EXOC1: variants seen among roughly 807,000 people sequenced by gnomAD.
EXOC1 encodes SEC3-like 1.
In EXOC1, 67 loss-of-function variants were observed where a neutral mutation model predicts 107.7. The ratio of observed to expected loss-of-function variants is 0.62; its 90% CI spans 0.51 to 0.76. The LOEUF is 0.76. Among genes scored for constraint, EXOC1 ranks in the 30% least tolerant of loss-of-function variants. EXOC1 has a pLI of 0.00. For synonymous variants in EXOC1, 348 were observed against 353.5 expected, an observed-to-expected ratio of 0.98 and a Z score of 0.17; for missense variants, 833 against 1,055.7, an observed-to-expected ratio of 0.79 and a Z score of 2.92.
At position 55,889,011 on chromosome 4, in the gene EXOC1, G is replaced by T. The variant is rs1724211085; in HGVS notation, c.1375+79G>T. ...CTAGAAATTAGTTGTCTTGAAAAAA[G>T]GTAACACCAAAAATTTTGATTGCTC... On this transcript the variant is annotated intron_variant, in intron 11 of 18. Coordinates refer to ENST00000381295, the MANE Select transcript of EXOC1 (RefSeq NM_001024924.2). 2.7e-6 allele frequency: 4 copies of T among 1,485,036 alleles called. No homozygotes were observed. The South Asian group carries it at 3.5e-5, about 13-fold the overall frequency. The allele number at this position is 1,485,036 out of a possible 1,614,324, so 92.0% of individuals were successfully genotyped here. A position where few individuals can be genotyped will look rare whatever the true frequency, so the allele number is the denominator to read the frequency against.
intron 1 of EXOC1, 99 bp downstream of exon 1, chr4:55,854,052 T>C (rs2110295935): frequency 6.6e-6 from 1 of 152,456 alleles, no homozygotes; most frequent in African/African-American, 2.4e-5. Context: ...CCATTACGGT[T>C]CCGCCCATCG....
intron 12 of EXOC1, among the ~76,000 whole-genome samples, chr4:55,891,072 T>C (rs748742816): frequency 2.0e-4 from 30 of 152,210 alleles, no homozygotes; most frequent in Admixed American, 7.9e-4. Flanking sequence ...TCTTTCCAGA[T>C]GTGAAGTGAA....
intron 4 of EXOC1, chr4:55,866,897 G>A (rs1344199522): frequency 7.1e-6 from 7 of 984,878 alleles, no homozygotes; most frequent in African/African-American, 1.7e-5. Context: ...CAGAAGGTGC[G>A]TAACACCTTT....
At chr4:55,893,972 C>T (rs954014334) in intron 15 of EXOC1, among the ~76,000 whole-genome samples, 192 bp downstream of exon 15, 4 of 152,054 alleles carry the variant, frequency 2.6e-5, no homozygotes, top group African/African-American at 4.8e-5. Flanking sequence ...GTTTCCATTC[C>T]ACACTGTGAA....
At chr4:55,862,608 C>T (rs771561756) in intron 3 of EXOC1, among the ~76,000 whole-genome samples, 2 of 152,008 alleles carry the variant, frequency 1.3e-5, no homozygotes, top group African/African-American at 4.8e-5. Flanking sequence ...AAATTTTTGA[C>T]GCTTCAATTC....
intron 10 of EXOC1, among the ~76,000 whole-genome samples, chr4:55,886,575 C>CAAAAAAAAAAAAAAAAAAAAAAA (rs71832369): frequency 1.0e-5 from 1 of 96,232 alleles, no homozygotes. Flanking sequence ...AACAAAAAAA[C>CAAAAAAAAAAAAAAAAAAAAAAA]AAAAAAAAAA....
At chr4:55,857,389 C>T (rs138081445) in intron 1 of EXOC1, among the ~76,000 whole-genome samples, 2,105 of 151,776 alleles carry the variant, frequency 0.014, 62 homozygotes, top group African/African-American at 0.047. Flanking sequence ...ACCGTGGTCT[C>T]GATCTCCTGA....
chr4:55,892,291 G>A (rs1157582446), intron 13 of EXOC1, among the ~76,000 whole-genome samples: 1 of 151,920 alleles, frequency 6.6e-6, no homozygotes, highest in African/African-American at 2.4e-5. Context: ...TGAAAGTTGT[G>A]TTTGGACGTT....
intron 3 of EXOC1, among the ~76,000 whole-genome samples, chr4:55,863,674 C>T (rs867123492): frequency 1.3e-5 from 2 of 152,118 alleles, no homozygotes; most frequent in South Asian, 2.1e-4. Context: ...TTTAATCATT[C>T]CTTATTTTCA....
chr4:55,886,040 G>A (rs772856609), intron 10 of EXOC1, among the ~76,000 whole-genome samples: 2 of 152,036 alleles, frequency 1.3e-5, no homozygotes, highest in Non-Finnish European at 1.5e-5. Context: ...AGTACCCATA[G>A]CCATTCTGTT....
chr4:55,863,796 C>CTTA (rs1448944242), intron 3 of EXOC1, among the ~76,000 whole-genome samples: 1 of 151,986 alleles, frequency 6.6e-6, no homozygotes, highest in East Asian at 1.9e-4. Context: ...AGATATAGTC[C>CTTA]TTATTAGGGA....
At chr4:55,884,225 G>C (rs1407865812) in intron 10 of EXOC1, among the ~76,000 whole-genome samples, 1 of 152,150 alleles carries the variant, frequency 6.6e-6, no homozygotes, top group Non-Finnish European at 1.5e-5. Flanking sequence ...GTGCAGTCAA[G>C]TAGAGAAAGT....
At chr4:55,872,681 A>C (rs1235195666) in intron 8 of EXOC1, 3 of 555,214 alleles carry the variant, frequency 5.4e-6, no homozygotes, top group East Asian at 2.9e-4. Context: ...GCCTGAAAAC[A>C]ATGGATTTTT....
In EXOC1 at chr4:55,868,395, G is replaced by C. The variant is rs757139492; in HGVS notation, c.475G>C (p.Glu159Gln). ...VTGGDEEVVDEYQELNAREEQ... is the reference protein window; with the variant it reads ...VTGGDEEVVDQYQELNAREEQ... ...AGGAGGTGATGAAGAAGTAGTAGATGAATACCAAGAGTTAAATGCAAGAGA... is the reference window on the plus strand; with the variant it reads ...AGGAGGTGATGAAGAAGTAGTAGATCAATACCAAGAGTTAAATGCAAGAGA... The change falls in exon 5 of 19, where the codon GAA becomes CAA. Residue 159 changes from glutamate (E) to glutamine (Q), a missense_variant. Physicochemically the swap from Glu to Gln is conservative, Grantham distance 29. This residue lies in a region of EXOC1 where 617 missense variants were observed against 701.3 expected (regional missense o/e 0.88). Transcript: ENST00000381295. 1.9e-6 allele frequency: 3 copies of C among 1,613,714 alleles called. No homozygotes were observed. The South Asian group carries it at 3.3e-5, about 18-fold the overall frequency.
At chr4:55,856,960 T>G (rs1347290231) in intron 1 of EXOC1, among the ~76,000 whole-genome samples, 2 of 151,968 alleles carry the variant, frequency 1.3e-5, no homozygotes, top group African/African-American at 2.4e-5. Context: ...TCCATACCCA[T>G]TAACAGTCAA....
chr4:55,862,872 G>GTA (rs1160950124), intron 3 of EXOC1, among the ~76,000 whole-genome samples: 2 of 152,188 alleles, frequency 1.3e-5, no homozygotes, highest in East Asian at 3.9e-4. Context: ...TGGATGTGAA[G>GTA]TATACATCCA....
At chr4:55,871,685 A>C (rs1722455591) in intron 7 of EXOC1, among the ~76,000 whole-genome samples, 164 bp from the exon 8 acceptor site, 1 of 152,168 alleles carries the variant, frequency 6.6e-6, no homozygotes, top group South Asian at 2.1e-4. Flanking sequence ...TTTGAGAACT[A>C]CTGTGAAATC....
chr4:55,902,262 C>A, intron 17 of EXOC1, 82 bp from the exon 18 acceptor site: 1 of 1,097,584 alleles, frequency 9.1e-7, no homozygotes, highest in Non-Finnish European at 1.2e-6. Flanking sequence ...GGTGATTATA[C>A]ACTACTTTGT....
intron 10 of EXOC1, among the ~76,000 whole-genome samples, chr4:55,885,335 G>T (rs1169490733): frequency 6.6e-6 from 1 of 152,014 alleles, no homozygotes; most frequent in Non-Finnish European, 1.5e-5. Context: ...TTCACATTAA[G>T]ATAAATGAAA....
Sources: gnomAD v4.1 joint callset for allele counts (sites outside exome capture counted in the v4.1 genomes callset) on GRCh38, gnomAD v4.1.1 for gene constraint, gnomAD v4.1.1 regional missense constraint, MANE v1.5 for transcripts, NCBI Gene and HGNC (gene_info 2026-07-23, HGNC 2026-07-21) for gene names.